GABRB1: variants seen among roughly 807,000 people sequenced by gnomAD.
GABRB1 encodes gamma-aminobutyric acid receptor subunit beta-1.
Under a neutral mutation model 51.6 loss-of-function variants are expected in GABRB1, and 17 were observed. The ratio of observed to expected loss-of-function variants is 0.33; its 90% CI spans 0.23 to 0.49. The LOEUF is 0.49. GABRB1 is among the 20% of genes least tolerant of loss of function. The probability of loss-of-function intolerance (pLI) is 0.99; values close to 1 mark genes in which losing one functional copy is unlikely to be tolerated. For missense variants in GABRB1, 410 were observed against 600.6 expected (o/e 0.68, Z 3.32); for synonymous variants, 247 against 218.9 (o/e 1.13, Z -1.14).
chr4:47,287,689 C>A (rs146959483), intron 4 of GABRB1, among the ~76,000 whole-genome samples: 2 of 152,326 alleles, frequency 1.3e-5, no homozygotes, highest in African/African-American at 4.8e-5. Flanking sequence ...GCATATAGCA[C>A]AAGTGATACA....
intron 4 of GABRB1, among the ~76,000 whole-genome samples, chr4:47,305,204 A>G (rs1724422149): frequency 6.6e-6 from 1 of 152,108 alleles, no homozygotes; most frequent in South Asian, 2.1e-4. Flanking sequence ...TTAACAATTG[A>G]GAGTTCCTAA....
At chr4:47,392,216 G>C (rs1196105201) in intron 5 of GABRB1, among the ~76,000 whole-genome samples, 9 of 152,022 alleles carry the variant, frequency 5.9e-5, no homozygotes, top group Non-Finnish European at 8.8e-5. Flanking sequence ...CACTGTCCTA[G>C]TTGTTTATGG....
chr4:47,254,018 T>C (rs562747125), intron 4 of GABRB1, among the ~76,000 whole-genome samples: 1 of 152,302 alleles, frequency 6.6e-6, no homozygotes, highest in South Asian at 2.1e-4. Flanking sequence ...AAGATTGTAC[T>C]GACAATATGG....
intron 3 of GABRB1, among the ~76,000 whole-genome samples, chr4:47,053,390 G>T (rs1321317108): frequency 6.6e-6 from 1 of 152,094 alleles, no homozygotes; most frequent in Non-Finnish European, 1.5e-5. Flanking sequence ...TTCTCACTGT[G>T]TTCTCTCAAG....
chr4:47,050,765 T>A (rs1726314339), intron 3 of GABRB1, among the ~76,000 whole-genome samples: 1 of 152,156 alleles, frequency 6.6e-6, no homozygotes, highest in South Asian at 2.1e-4. Flanking sequence ...CAACTCCACA[T>A]AAATAAGAGA....
chr4:47,386,463 A>G (rs969952864), intron 5 of GABRB1, among the ~76,000 whole-genome samples: 1 of 152,218 alleles, frequency 6.6e-6, no homozygotes, highest in Non-Finnish European at 1.5e-5. Context: ...CAATACAGAC[A>G]ATAAGATTTT....
intron 5 of GABRB1, among the ~76,000 whole-genome samples, chr4:47,347,807 T>C (rs34429982): frequency 0.38 from 57,057 of 152,016 alleles, 10,831 homozygotes; most frequent in South Asian, 0.47. Context: ...AAGGTGACTG[T>C]GATAATAATG....
intron 4 of GABRB1, among the ~76,000 whole-genome samples, chr4:47,231,935 T>G (rs537613425): frequency 6.6e-6 from 1 of 152,330 alleles, no homozygotes; most frequent in East Asian, 1.9e-4. Flanking sequence ...TTTAAAATAT[T>G]GTATCCAAGT....
intron 5 of GABRB1, among the ~76,000 whole-genome samples, chr4:47,389,487 G>A (rs943509866): frequency 6.6e-6 from 1 of 152,232 alleles, no homozygotes; most frequent in Non-Finnish European, 1.5e-5. Context: ...GACTCAGAAA[G>A]TAGTAATATG....
chr4:47,412,109 T>G lies in GABRB1; in HGVS notation c.1080+5183T>G, dbSNP rs1172542931. On this transcript the variant is annotated intron_variant, in intron 8 of 8. Coordinates refer to ENST00000295454, the MANE Select transcript of GABRB1 (RefSeq NM_000812.4). The stretch of plus-strand genomic sequence containing the variant: ...TAATTGTTCTTATGGGATCCTGTGC[T>G]TTTCCACAATAAGACTTCCATGATA... Among the ~76,000 whole-genome samples the G allele has an allele frequency of 3.3e-5, 5 of 152,324 alleles. No homozygotes were observed. In the East Asian group the frequency reaches 9.6e-4, roughly 29 times the overall value.
At chr4:47,284,885 T>G (rs1200611506) in intron 4 of GABRB1, among the ~76,000 whole-genome samples, 1 of 152,162 alleles carries the variant, frequency 6.6e-6, no homozygotes, top group Non-Finnish European at 1.5e-5. Context: ...TAAAAATGCA[T>G]AACTAAAAAA....
At chr4:47,408,442 A>C (rs755573211) in intron 8 of GABRB1, among the ~76,000 whole-genome samples, 1 of 152,210 alleles carries the variant, frequency 6.6e-6, no homozygotes, top group Non-Finnish European at 1.5e-5. Context: ...GTAGGACGAA[A>C]GTTTGGATAA....
intron 5 of GABRB1, among the ~76,000 whole-genome samples, chr4:47,343,481 C>T (rs1270603962): frequency 1.3e-5 from 2 of 152,132 alleles, no homozygotes; most frequent in Non-Finnish European, 2.9e-5. Flanking sequence ...GGGTTTCAAG[C>T]CAATGAATTC....
intron 4 of GABRB1, among the ~76,000 whole-genome samples, chr4:47,169,828 C>T (rs1202837183): frequency 6.6e-6 from 1 of 152,052 alleles, no homozygotes; most frequent in Non-Finnish European, 1.5e-5. Context: ...CCCAAGTCTT[C>T]TCACTCCAGA....
intron 5 of GABRB1, among the ~76,000 whole-genome samples, chr4:47,360,031 G>C (rs1169189847): frequency 6.6e-6 from 1 of 151,806 alleles, no homozygotes. Flanking sequence ...ACCAACATGA[G>C]AGCGGGGAGG....
intron 1 of GABRB1, among the ~76,000 whole-genome samples, chr4:47,024,974 C>T (rs995213911): frequency 1.0e-5 from 1 of 98,320 alleles, no homozygotes; most frequent in Admixed American, 1.1e-4. Flanking sequence ...TATTATCTAG[C>T]TAACTAATAA....
At chr4:47,041,000 T>G (rs1725813942) in intron 3 of GABRB1, among the ~76,000 whole-genome samples, 1 of 152,182 alleles carries the variant, frequency 6.6e-6, no homozygotes, top group Non-Finnish European at 1.5e-5. Context: ...TTACACAGCA[T>G]CTGGTCTCTT....
intron 8 of GABRB1, among the ~76,000 whole-genome samples, chr4:47,424,564 A>T (rs1729204309): frequency 6.6e-6 from 1 of 151,962 alleles, no homozygotes; most frequent in South Asian, 2.1e-4. Flanking sequence ...TTGCCTCCTT[A>T]TCTATACCTA....
At chr4:47,391,472 T>A (rs1024949622) in intron 5 of GABRB1, among the ~76,000 whole-genome samples, 2 of 152,210 alleles carry the variant, frequency 1.3e-5, no homozygotes, top group African/African-American at 2.4e-5. Context: ...TCTCCCCACC[T>A]CAACTGCAAG....
Sources: gnomAD v4.1 joint callset for allele counts (sites outside exome capture counted in the v4.1 genomes callset) on GRCh38, gnomAD v4.1.1 for gene constraint, MANE v1.5 for transcripts, NCBI Gene and HGNC (gene_info 2026-07-23, HGNC 2026-07-21) for gene names.